Variants in CMYA5 observed in about 807,000 individuals in gnomAD.
CMYA5 encodes cardiomyopathy-associated protein 5.
CMYA5 carries 246 observed loss-of-function variants against 318.9 expected under a neutral mutation model. The ratio of observed to expected loss-of-function variants is 0.77; its 90% CI spans 0.70 to 0.86. The LOEUF (loss-of-function observed/expected upper bound fraction) is 0.86. Among genes scored for constraint, CMYA5 ranks in the 40% least tolerant of loss-of-function variants. CMYA5 has a pLI of 0.00. For missense variants in CMYA5, 4,589 were observed against 4,678.2 expected (o/e 0.98, Z 0.56); for synonymous variants, 1,641 against 1,729.5 (o/e 0.95, Z 1.27).
intron 1 of CMYA5, among the ~76,000 whole-genome samples, chr5:79,710,979 T>C (rs993359762): frequency 5.3e-5 from 8 of 152,200 alleles, no homozygotes; most frequent in African/African-American, 1.9e-4. Flanking sequence ...ATGCAAAGTT[T>C]TCCAATAATC....
chr5:79,753,817 A>AAC (rs1263323192), intron 6 of CMYA5, among the ~76,000 whole-genome samples: 1 of 152,216 alleles, frequency 6.6e-6, no homozygotes, highest in Non-Finnish European at 1.5e-5. Context: ...CATTGATCTT[A>AAC]ATGGATTTTC....
chr5:79,734,717 A>C lies in CMYA5; in HGVS notation c.5952A>C (p.Glu1984Asp), dbSNP rs748377829. 1.2e-6 allele frequency: 2 copies of C among 1,613,774 alleles called. No homozygotes were observed. The highest frequency in any genetic ancestry group is 2.7e-5 in the African/African-American group (2 of 74,946). Residue 1984 changes from glutamate (E) to aspartate (D), a missense_variant, in exon 2 of 13, where the codon GAA becomes GAC. This residue lies in a region of CMYA5 where 2,431 missense variants were observed against 2,495.1 expected (regional missense o/e 0.97). Coordinates refer to ENST00000446378, the MANE Select transcript of CMYA5 (RefSeq NM_153610.5). ...TLSSKSYSSE[E>D]VKLAEEPKSL... ...CAAGTAAAAGTTACTCTTCTGAAGA[A>C]GTAAAGCTGGCTGAAGAACCAAAGT... is the stretch of plus-strand genomic sequence containing the variant.
chr5:79,770,019 A>G (rs1439437130), intron 9 of CMYA5, among the ~76,000 whole-genome samples: 1 of 152,220 alleles, frequency 6.6e-6, no homozygotes, highest in Non-Finnish European at 1.5e-5. Context: ...AGGAATCTAG[A>G]GAGGCAGTCG....
intron 9 of CMYA5, among the ~76,000 whole-genome samples, chr5:79,770,264 T>G (rs564513127): frequency 6.6e-6 from 1 of 152,202 alleles, no homozygotes; most frequent in Admixed American, 6.5e-5. Flanking sequence ...TCCACTGAGC[T>G]AGACCACTTG....
intron 1 of CMYA5, among the ~76,000 whole-genome samples, chr5:79,725,940 A>G (rs1265990027): frequency 6.6e-6 from 1 of 151,140 alleles, no homozygotes; most frequent in Admixed American, 6.6e-5. Flanking sequence ...ACTGGAAATT[A>G]AAAAAGAATG....
In CMYA5 at chr5:79,734,806, T is replaced by A; in HGVS notation, c.6041T>A (p.Met2014Lys). 6.2e-7 allele frequency: 1 copy of A among 1,613,782 alleles called. No individual in the cohort carries two copies. Among genetic ancestry groups the A allele is most frequent in the South Asian group, 1.1e-5 (1 of 91,072 alleles). The change falls in exon 2 of 13, where the codon ATG becomes AAG. Residue 2014 changes from methionine to lysine, a missense_variant. By Grantham distance (95) the Met-to-Lys change is moderately conservative (BLOSUM62 -1). Transcript: ENST00000446378. ...IAEGKEIHSLMESESLLLEKA... is the reference protein window; with the variant it reads ...IAEGKEIHSLKESESLLLEKA... ...GAGGGGAAGGAGATTCATTCTTTGA[T>A]GGAGAGTGAAAGTTTGCTATTGGAG...
intron 12 of CMYA5, among the ~76,000 whole-genome samples, chr5:79,797,868 C>T (rs537615281): frequency 1.3e-5 from 2 of 152,286 alleles, no homozygotes; most frequent in African/African-American, 4.8e-5. Context: ...GCTGCCCTTA[C>T]TGTGTGGATT....
At position 79,739,365 on chromosome 5, in the gene CMYA5, G is replaced by A; in HGVS notation, c.10600G>A (p.Glu3534Lys). Reference protein sequence around the residue: ...DKVFGTHKDHEVSTLDTAISA... With the variant: ...DKVFGTHKDHKVSTLDTAISA... Reference sequence around the variant, plus strand: ...GGTGTTTGGCACCCACAAAGACCATGAAGTTTCAACGCTTGACACAGCTAT... The same window carrying A: ...GGTGTTTGGCACCCACAAAGACCATAAAGTTTCAACGCTTGACACAGCTAT... Residue 3534 changes from glutamate (E) to lysine (K), a missense_variant, in exon 2 of 13, where the codon GAA becomes AAA. Transcript: ENST00000446378. The A allele has an allele frequency of 6.4e-7, 1 of 1,558,804 alleles. No homozygotes were observed. Among genetic ancestry groups the A allele is most frequent in the Non-Finnish European group, 8.7e-7 (1 of 1,152,230 alleles).
chr5:79,727,632 A>G (rs1827775233), intron 1 of CMYA5, among the ~76,000 whole-genome samples: 2 of 152,214 alleles, frequency 1.3e-5, no homozygotes, highest in South Asian at 4.1e-4. Context: ...CGGCTGCTGC[A>G]TTGGTCAGGA....
Position 79,791,087 on chromosome 5 carries a change from G to C in CMYA5, c.11789+18G>C. The C allele has an allele frequency of 1.9e-6, 3 of 1,576,106 alleles. No individual in the cohort carries two copies. The highest frequency in any genetic ancestry group is 2.6e-6 in the Non-Finnish European group (3 of 1,147,178). On this transcript the variant is annotated intron_variant, in intron 11 of 12. Coordinates refer to ENST00000446378, the MANE Select transcript of CMYA5 (RefSeq NM_153610.5). ...CTGACGGAGTAAGTAGAAGAAGAAA[G>C]CACAAGTGGGCTGATGGCCCAGCAG...
chr5:79,735,163 A>C lies in CMYA5; in HGVS notation c.6398A>C (p.Lys2133Thr). The C allele has an allele frequency of 6.2e-7, 1 of 1,613,486 alleles. No individual in the cohort carries two copies. The highest frequency in any genetic ancestry group is 8.5e-7 in the Non-Finnish European group (1 of 1,179,742). The change falls in exon 2 of 13, where the codon AAA becomes ACA. Residue 2133 changes from lysine to threonine, a missense_variant. Around this residue, in one of 3 missense-constraint regions of CMYA5, gnomAD observed 2,431 missense variants for 2,495.1 expected, o/e 0.97. Coordinates refer to ENST00000446378, the MANE Select transcript of CMYA5 (RefSeq NM_153610.5). ...SPEVKIPTQR[K>T]PISSIHAREP... Reference sequence around the variant, plus strand: ...GAAGTAAAAATACCCACACAAAGAAAACCCATCTCCTCAATCCATGCAAGA... The same window carrying C: ...GAAGTAAAAATACCCACACAAAGAACACCCATCTCCTCAATCCATGCAAGA...
At chr5:79,795,730 C>G (rs543565759) in intron 12 of CMYA5, among the ~76,000 whole-genome samples, 3 of 152,276 alleles carry the variant, frequency 2.0e-5, no homozygotes, top group African/African-American at 4.8e-5. Context: ...GGCAAGGAGT[C>G]CTGAGGGGAG....
intron 7 of CMYA5, among the ~76,000 whole-genome samples, chr5:79,759,517 T>C (rs1455602431): frequency 6.6e-6 from 1 of 152,184 alleles, no homozygotes; most frequent in African/African-American, 2.4e-5. Flanking sequence ...AAGTGCTTAG[T>C]AGGGTGAATG....
intron 9 of CMYA5, among the ~76,000 whole-genome samples, chr5:79,775,351 A>C (rs1192462828): frequency 6.6e-6 from 1 of 152,196 alleles, no homozygotes; most frequent in Admixed American, 6.5e-5. Flanking sequence ...AGGCCTGTCA[A>C]TTTCCAAAAG....
At chr5:79,787,882 C>T (rs1238766325) in intron 9 of CMYA5, among the ~76,000 whole-genome samples, 2 of 152,072 alleles carry the variant, frequency 1.3e-5, no homozygotes, top group African/African-American at 4.8e-5. Context: ...ATGTTATTCT[C>T]TAAGACAGGT....
chr5:79,797,111 C>T (rs1403953937), intron 12 of CMYA5, among the ~76,000 whole-genome samples: 1 of 152,190 alleles, frequency 6.6e-6, no homozygotes, highest in African/African-American at 2.4e-5. Flanking sequence ...TTTCTCCAAC[C>T]TTAATGCCTC....
chr5:79,704,779 A>G (rs1399500934), intron 1 of CMYA5, among the ~76,000 whole-genome samples: 1 of 152,212 alleles, frequency 6.6e-6, no homozygotes, highest in East Asian at 1.9e-4. Flanking sequence ...CATCAGAGAT[A>G]GAGTAGCTCC....
intron 2 of CMYA5, among the ~76,000 whole-genome samples, chr5:79,743,616 T>G (rs1828262769): frequency 6.6e-6 from 1 of 152,232 alleles, no homozygotes; most frequent in African/African-American, 2.4e-5. Flanking sequence ...GTAGTTGTTT[T>G]GAGGTTTTCA....
At chr5:79,721,332 TA>T (rs1331359578) in intron 1 of CMYA5, among the ~76,000 whole-genome samples, 1 of 150,866 alleles carries the variant, frequency 6.6e-6, no homozygotes, top group African/African-American at 2.4e-5. Context: ...TTTTAAAAAA[TA>T]AAAAAACAAA....
Sources: allele counts gnomAD v4.1 joint callset (sites outside exome capture counted in the v4.1 genomes callset), GRCh38; gene constraint gnomAD v4.1.1; regional missense constraint gnomAD v4.1.1; transcripts MANE v1.5; gene names NCBI Gene and HGNC (gene_info 2026-07-23, HGNC 2026-07-21).